The following ACACA variants were observed in gnomAD, a reference collection of about 807,000 sequenced individuals.
ACACA encodes acetyl-CoA carboxylase 1.
A neutral mutation model predicts 296.1 loss-of-function variants in ACACA; 103 were observed. That is an observed-to-expected ratio of 0.35 (90% CI 0.30 to 0.41). The LOEUF is 0.41. Ranked by LOEUF, ACACA falls within the 10% of genes least tolerant of loss-of-function variation. The probability of loss-of-function intolerance (pLI) is 1.00; values close to 1 mark genes in which losing one functional copy is unlikely to be tolerated. For synonymous variants in ACACA, 953 were observed against 1,038.6 expected, an observed-to-expected ratio of 0.92 and a Z score of 1.58; for missense variants, 1,554 against 2,989.7, an observed-to-expected ratio of 0.52 and a Z score of 11.20.
In ACACA at chr17:37,326,108, C is replaced by T. The variant is rs1433499120; in HGVS notation, c.338+4065G>A. Among the ~76,000 whole-genome samples the T allele has an allele frequency of 2.0e-5, 3 of 150,650 alleles. No homozygotes were observed. The East Asian group carries it at 6.0e-4, about 30-fold the overall frequency. On this transcript the variant is annotated intron_variant, in intron 3 of 55. Coordinates refer to ENST00000616317, the MANE Select transcript of ACACA (RefSeq NM_198834.3). ...CCTCCAGTACTAGCTGCTCAGGAGG[C>T]TGAGGCACAAGAATATCTTGAACCT...
At chr17:37,377,529 G>A (rs760614054) in intron 1 of ACACA, among the ~76,000 whole-genome samples, 3 of 151,896 alleles carry the variant, frequency 2.0e-5, no homozygotes, top group Non-Finnish European at 2.9e-5. Flanking sequence ...GCATGGTGGT[G>A]CATGCCCGTA....
At chr17:37,332,852 G>A (rs1041714855) in intron 2 of ACACA, among the ~76,000 whole-genome samples, 1 of 151,202 alleles carries the variant, frequency 6.6e-6, no homozygotes, top group African/African-American at 2.4e-5. Context: ...GGAGGTTGCA[G>A]TGAGCTGAGA....
At chr17:37,173,923 T>C (rs1224193426) in intron 41 of ACACA, among the ~76,000 whole-genome samples, 4 of 139,264 alleles carry the variant, frequency 2.9e-5, no homozygotes, top group East Asian at 2.1e-4. Context: ...AAGAGATTCC[T>C]GTGCCTCAGT....
intron 1 of ACACA, among the ~76,000 whole-genome samples, chr17:37,401,403 G>A (rs927391254): frequency 5.3e-5 from 8 of 151,634 alleles, no homozygotes; most frequent in Non-Finnish European, 8.8e-5. Flanking sequence ...AGGTTGGCCC[G>A]GCTGGTCTCG....
chr17:37,109,299 T>C (rs966569491), intron 52 of ACACA, among the ~76,000 whole-genome samples: 4 of 152,198 alleles, frequency 2.6e-5, no homozygotes, highest in Non-Finnish European at 4.4e-5. Flanking sequence ...ATACCAAACA[T>C]GGCCATCTGC....
At chr17:37,278,795 A>G (rs1175850839) in intron 5 of ACACA, among the ~76,000 whole-genome samples, 9 of 152,204 alleles carry the variant, frequency 5.9e-5, no homozygotes, top group Non-Finnish European at 7.3e-5. Context: ...TCCACCATTT[A>G]TAAATTTATT....
At chr17:37,359,840 C>T (rs2049334713) in intron 1 of ACACA, among the ~76,000 whole-genome samples, 1 of 152,100 alleles carries the variant, frequency 6.6e-6, no homozygotes, top group Non-Finnish European at 1.5e-5. Flanking sequence ...AGCCCCGAGA[C>T]AGCCCACTCC....
At chr17:37,268,457 C>T (rs1235721053) in intron 10 of ACACA, among the ~76,000 whole-genome samples, 1 of 152,050 alleles carries the variant, frequency 6.6e-6, no homozygotes, top group African/African-American at 2.4e-5. Flanking sequence ...TGTAGTCAGT[C>T]CTTAAAGATC....
At chr17:37,197,493 A>C (rs2078055674) in intron 35 of ACACA, among the ~76,000 whole-genome samples, 1 of 152,196 alleles carries the variant, frequency 6.6e-6, no homozygotes, top group African/African-American at 2.4e-5. Context: ...AAGAAGCCAG[A>C]GAGATCAAGG....
At chr17:37,169,779 T>C (rs1456858890) in intron 41 of ACACA, among the ~76,000 whole-genome samples, 4 of 152,140 alleles carry the variant, frequency 2.6e-5, no homozygotes, top group Non-Finnish European at 2.9e-5. Flanking sequence ...ATCCCTCTTT[T>C]TGGGGGTCTT....
At chr17:37,403,129 G>A (rs1025489158) in intron 1 of ACACA, among the ~76,000 whole-genome samples, 8 of 152,168 alleles carry the variant, frequency 5.3e-5, no homozygotes, top group Admixed American at 6.5e-5. Context: ...CAGTTATACA[G>A]TTTTAGTTCT....
chr17:37,230,830 A>T (rs1390691245), intron 25 of ACACA, among the ~76,000 whole-genome samples: 1 of 152,220 alleles, frequency 6.6e-6, no homozygotes, highest in African/African-American at 2.4e-5. Flanking sequence ...TAGTCAACAT[A>T]AAAAGGTTTG....
rs60565367 is a variant in ACACA, at chr17:37,227,859, C to CAAA, written c.3247-1410_3247-1408dup. Among the ~76,000 whole-genome samples the CAAA allele has an allele frequency of 4.1e-3, 426 of 102,664 alleles. 5 individuals carry two copies. The highest frequency in any genetic ancestry group is 9.5e-3 in the African/African-American group (297 of 31,350). 67.4% of individuals were successfully genotyped at this position (102,664 alleles called of 152,430 possible). A position where few individuals can be genotyped will look rare whatever the true frequency, so the allele number is the denominator to read the frequency against. On this transcript the variant is annotated intron_variant, in intron 25 of 55. Transcript: ENST00000616317. ...TGGGCAACAGAGCGAGACTCTGTCT[C>CAAA]AAAAAAAAAAAAAAAAAAATTTTTT... is the stretch of plus-strand genomic sequence containing the variant.
chr17:37,246,997 T>C (rs1039256794), intron 18 of ACACA, 21 bp from the exon 19 acceptor site: 23 of 1,613,898 alleles, frequency 1.4e-5, no homozygotes, highest in Non-Finnish European at 1.9e-5. Flanking sequence ...AGTGGAAGTA[T>C]GTAAGCTAAG....
intron 29 of ACACA, among the ~76,000 whole-genome samples, chr17:37,214,427 C>G (rs1434625751): frequency 6.6e-6 from 1 of 152,186 alleles, no homozygotes; most frequent in Non-Finnish European, 1.5e-5. Context: ...TTTGCTCTTT[C>G]TGAAACAAGT....
intron 23 of ACACA, among the ~76,000 whole-genome samples, chr17:37,241,050 C>G (rs1296355281): frequency 3.3e-5 from 5 of 151,894 alleles, no homozygotes; most frequent in Admixed American, 6.6e-5. Context: ...AAAAAATTAG[C>G]CAAGCATGGT....
At chr17:37,180,546 T>C (rs1387886848) in intron 40 of ACACA, among the ~76,000 whole-genome samples, 1 of 152,238 alleles carries the variant, frequency 6.6e-6, no homozygotes, top group Non-Finnish European at 1.5e-5. Context: ...TTGCATTTTC[T>C]ACTGGTGATA....
chr17:37,174,673 C>T (rs1238751838), intron 41 of ACACA, among the ~76,000 whole-genome samples: 2 of 152,044 alleles, frequency 1.3e-5, no homozygotes, highest in Non-Finnish European at 2.9e-5. Context: ...GCTGGGACTA[C>T]AGGCACCCGC....
At chr17:37,370,871 C>A (rs1343103103) in intron 1 of ACACA, among the ~76,000 whole-genome samples, 1 of 151,152 alleles carries the variant, frequency 6.6e-6, no homozygotes, top group Non-Finnish European at 1.5e-5. Context: ...GTAATCCCAG[C>A]TGCTTGGAAG....
Sources: gnomAD v4.1 joint callset for allele counts (sites outside exome capture counted in the v4.1 genomes callset) on GRCh38, gnomAD v4.1.1 for gene constraint, MANE v1.5 for transcripts, NCBI Gene and HGNC (gene_info 2026-07-23, HGNC 2026-07-21) for gene names.